Variants in FMNL3 observed in about 807,000 individuals in gnomAD.
FMNL3 encodes formin-like protein 3.
In FMNL3, 57 loss-of-function variants were observed where a neutral mutation model predicts 119.6. The observed-to-expected ratio is 0.48, with a 90% CI of 0.39 to 0.59. FMNL3 has a LOEUF of 0.59. FMNL3 is among the 20% of genes least tolerant of loss of function. FMNL3 has a pLI of 0.00. For synonymous variants in FMNL3, 491 were observed against 507.3 expected, an observed-to-expected ratio of 0.97 and a Z score of 0.43; for missense variants, 1,053 against 1,323.5, an observed-to-expected ratio of 0.80 and a Z score of 3.17.
intron 15 of FMNL3, 33 bp from the exon 16 acceptor site, chr12:49,651,325 C>T: frequency 6.2e-7 from 1 of 1,606,044 alleles, no homozygotes; most frequent in Non-Finnish European, 8.5e-7. Context: ...GACACAGGGG[C>T]CAAGGACACA....
chr12:49,639,843 A>G lies in FMNL3; in HGVS notation c.*5972T>C, dbSNP rs1427057659. ...AACAAGAAGAGCAAGGCTGTAGAAAATAGGAATTCTATTTGGGGAATTACT... is the reference window on the plus strand; with the variant it reads ...AACAAGAAGAGCAAGGCTGTAGAAAGTAGGAATTCTATTTGGGGAATTACT... On this transcript the variant is annotated 3_prime_UTR_variant, in exon 26 of 26. Transcript: ENST00000335154. 2 of 152,242 alleles carry G rather than the reference A, an allele frequency of 1.3e-5. No homozygotes were observed. The highest frequency in any genetic ancestry group is 6.5e-5 in the Admixed American group (1 of 15,290). 9.4% of individuals were successfully genotyped at this position (152,242 alleles called of 1,614,324 possible). A position where few individuals can be genotyped will look rare whatever the true frequency, so the allele number is the denominator to read the frequency against.
rs745708210 is a variant in FMNL3 at position 49,641,894 on chromosome 12, T to G, written c.*3921A>C. ...CACGTGGTGCCCCTGCTTCATGCAC[T>G]GCTGTACCCACAGGACCGGGGCTTC... is the stretch of plus-strand genomic sequence containing the variant. On this transcript the variant is annotated 3_prime_UTR_variant, in exon 26 of 26. Transcript: ENST00000335154. 88 of 1,611,276 alleles carry G rather than the reference T, an allele frequency of 5.5e-5. 1 individual carries two copies. In the South Asian group the frequency reaches 9.3e-4, roughly 17 times the overall value.
chr12:49,706,216 T>C (rs915991382), intron 1 of FMNL3, among the ~76,000 whole-genome samples: 1 of 152,182 alleles, frequency 6.6e-6, no homozygotes, highest in Non-Finnish European at 1.5e-5. Flanking sequence ...CTGACATCAA[T>C]GTCCAATTCC....
Position 49,651,935 on chromosome 12 carries a change from G to C in FMNL3, c.1601C>G (p.Pro534Arg). Residue 534 changes from proline (P) to arginine (R), a missense_variant and splice_region_variant, in exon 14 of 26, where the codon CCA (proline) becomes CGA (arginine). Pro to Arg is a moderately radical substitution (Grantham distance 103). Transcript: ENST00000335154. ...PPLPPPPPPL[P>R]DKCPPAPPLP... ...CTCCCAGGGGTCGTCGTGGTTACCTGGTAATGGGGGAGGTGGAGGGGGCAA... is the reference window on the plus strand; with the variant it reads ...CTCCCAGGGGTCGTCGTGGTTACCTCGTAATGGGGGAGGTGGAGGGGGCAA... 6.3e-7 allele frequency: 1 copy of C among 1,587,074 alleles called. No individual in the cohort carries two copies. Among genetic ancestry groups the C allele is most frequent in the Non-Finnish European group, 8.6e-7 (1 of 1,163,878 alleles).
At chr12:49,678,388 C>T (rs577919173) in intron 1 of FMNL3, among the ~76,000 whole-genome samples, 42 of 151,728 alleles carry the variant, frequency 2.8e-4, no homozygotes, top group Non-Finnish European at 5.4e-4. Flanking sequence ...AAACTCCTGA[C>T]CTCGTGATCC....
Position 49,644,367 on chromosome 12 carries a change from T to A in FMNL3, c.*1448A>T. Reference sequence around the variant, plus strand: ...CAAGGTTGCTCTTGGTGTTCAAGGGTCCCCTACTCCCTGGACTAGTGCAGT... The same window carrying A: ...CAAGGTTGCTCTTGGTGTTCAAGGGACCCCTACTCCCTGGACTAGTGCAGT... On this transcript the variant is annotated 3_prime_UTR_variant, in exon 26 of 26. Transcript: ENST00000335154. 1.4e-6 allele frequency: 1 copy of A among 708,746 alleles called. No homozygotes were observed. The highest frequency in any genetic ancestry group is 2.4e-6 in the Non-Finnish European group (1 of 414,986). 43.9% of individuals were successfully genotyped at this position (708,746 alleles called of 1,614,324 possible).
intron 1 of FMNL3, among the ~76,000 whole-genome samples, chr12:49,694,820 G>C (rs1944708855): frequency 6.6e-6 from 1 of 151,994 alleles, no homozygotes; most frequent in Non-Finnish European, 1.5e-5. Flanking sequence ...GCTGAGGCAG[G>C]AGAATTGCTT....
At chr12:49,653,349 T>C (rs761406483) in intron 12 of FMNL3, 22 bp from the exon 13 acceptor site, 5 of 1,611,798 alleles carry the variant, frequency 3.1e-6, no homozygotes, top group Non-Finnish European at 4.2e-6. Context: ...GAAGGGCAGG[T>C]TCTGTGCTGG....
chr12:49,637,888 C>CTTATCAGGGAG lies in FMNL3; in HGVS notation c.*7926_*7927insCTCCCTGATAA. On this transcript the variant is annotated 3_prime_UTR_variant, in exon 26 of 26. Transcript: ENST00000335154. ...TGCAGGGCACACTCCCTGCAGAGGA[C>CTTATCAGGGAG]TCCCTGATAAGTCCTGTTTTGCAGA... is the stretch of plus-strand genomic sequence containing the variant. The CTTATCAGGGAG allele has an allele frequency of 1.5e-6, 2 of 1,365,766 alleles. No homozygotes were observed. The highest frequency in any genetic ancestry group is 2.1e-6 in the Non-Finnish European group (2 of 963,430). 84.6% of individuals were successfully genotyped at this position (1,365,766 alleles called of 1,614,324 possible).
Position 49,657,183 on chromosome 12 carries a change from T to C in FMNL3, c.613A>G (p.Thr205Ala). ...SARQSVLRYS[T>A]LPGRRALKNS... ...TTCAGGGCCCTGCGCCCAGGGAGAG[T>C]GCTATACCTGGGGAGATGGGCCAGG... The change falls in exon 7 of 26, where the codon ACT becomes GCT. Residue 205 changes from threonine to alanine, a missense_variant. By Grantham distance (58) the Thr-to-Ala change is moderately conservative. Coordinates refer to ENST00000335154, the MANE Select transcript of FMNL3 (RefSeq NM_175736.5). 1 of 1,612,496 alleles carries C rather than the reference T, an allele frequency of 6.2e-7. No individual in the cohort carries two copies. The highest frequency in any genetic ancestry group is 1.1e-5 in the South Asian group (1 of 91,028).
Position 49,637,353 on chromosome 12 carries a change from C to A in FMNL3, c.*8462G>T. ...TCTTCATCTCTGCCTCTCTTGCCTG[C>A]ATTTCCTCAATCTTGATTGTCCCTG... On this transcript the variant is annotated 3_prime_UTR_variant, in exon 26 of 26. Coordinates refer to ENST00000335154, the MANE Select transcript of FMNL3 (RefSeq NM_175736.5). 1 of 678,998 alleles carries A rather than the reference C, an allele frequency of 1.5e-6. No homozygotes were observed. The highest frequency in any genetic ancestry group is 2.6e-6 in the Non-Finnish European group (1 of 389,416). 42.1% of individuals were successfully genotyped at this position (678,998 alleles called of 1,614,324 possible).
chr12:49,705,657 C>A (rs1188716665), intron 1 of FMNL3, among the ~76,000 whole-genome samples: 1 of 152,196 alleles, frequency 6.6e-6, no homozygotes, highest in African/African-American at 2.4e-5. Context: ...GTGAGATGGT[C>A]ACAGCACATT....
rs769487207 is a variant in FMNL3 at position 49,649,933 on chromosome 12, G to A, written c.2001-8C>T. On this transcript the variant is annotated splice_region_variant and splice_polypyrimidine_tract_variant and intron_variant, in intron 17 of 25. Coordinates refer to ENST00000335154, the MANE Select transcript of FMNL3 (RefSeq NM_175736.5). This position sits in a 1 kb window ranked among gnomAD's most constrained non-coding sequence, Gnocchi z 5.6. ...AGTGTCTGCAAGTCAAACCTGTGGA[G>A]GAGGGAGGGACCACCTCAGTTCTCA... 24 of 1,609,550 alleles carry A rather than the reference G, an allele frequency of 1.5e-5. No individual in the cohort carries two copies. Among genetic ancestry groups the A allele is most frequent in the East Asian group, 2.2e-5 (1 of 44,750 alleles).
At position 49,636,627 on chromosome 12, in the gene FMNL3, G is replaced by A; in HGVS notation, c.*9188C>T. On this transcript the variant is annotated 3_prime_UTR_variant, in exon 26 of 26. Coordinates refer to ENST00000335154, the MANE Select transcript of FMNL3 (RefSeq NM_175736.5). The stretch of plus-strand genomic sequence containing the variant: ...ACCCTGGGTATCCCTAGCACCTGTA[G>A]GACAGCATCGTTGAAACATTAGGGG... 1.3e-6 allele frequency: 2 copies of A among 1,575,726 alleles called. No homozygotes were observed. Among genetic ancestry groups the A allele is most frequent in the Non-Finnish European group, 1.7e-6 (2 of 1,153,368 alleles).
intron 17 of FMNL3, 26 bp downstream of exon 17, chr12:49,650,650 C>A: frequency 4.3e-6 from 7 of 1,611,178 alleles, no homozygotes; most frequent in Non-Finnish European, 5.9e-6. Flanking sequence ...GACTAGGGAC[C>A]AGAGCCAGGT....
In FMNL3 at chr12:49,647,906, G is replaced by T; in HGVS notation, c.2677-102C>A. 9.9e-7 allele frequency: 1 copy of T among 1,011,382 alleles called. No homozygotes were observed. Among genetic ancestry groups the T allele is most frequent in the South Asian group, 1.5e-5 (1 of 65,892 alleles). 62.7% of individuals were successfully genotyped at this position (1,011,382 alleles called of 1,614,324 possible). On this transcript the variant is annotated intron_variant, in intron 22 of 25. Transcript: ENST00000335154. The surrounding 1 kb of genome is among the most constrained non-coding windows in gnomAD (Gnocchi z 4.9). The stretch of plus-strand genomic sequence containing the variant: ...GCAGAAAGCAGAGCCCAGGGCCAAA[G>T]GGAGGAAAACCAAGCACCCAGGCCC...
chr12:49,668,035 C>T (rs1414361211), intron 2 of FMNL3, among the ~76,000 whole-genome samples: 1 of 152,218 alleles, frequency 6.6e-6, no homozygotes, highest in Non-Finnish European at 1.5e-5. Flanking sequence ...GACCTTGACT[C>T]TTCTGAGATT....
At chr12:49,668,433 C>A in intron 2 of FMNL3, 38 bp downstream of exon 2, 1 of 1,605,468 alleles carries the variant, frequency 6.2e-7, no homozygotes, top group Non-Finnish European at 8.5e-7. Context: ...GCCCAAGACA[C>A]AACTCCCTAC....
At chr12:49,660,439 C>G (rs903752856) in intron 5 of FMNL3, among the ~76,000 whole-genome samples, 38 of 152,142 alleles carry the variant, frequency 2.5e-4, no homozygotes, top group Admixed American at 6.5e-4. Flanking sequence ...AAATGTTTTT[C>G]ATTTCTTTCT....
Sources: gnomAD v4.1 joint callset for allele counts (sites outside exome capture counted in the v4.1 genomes callset) on GRCh38, gnomAD v4.1.1 for gene constraint, Gnocchi (gnomAD v3.1) non-coding constraint, MANE v1.5 for transcripts, NCBI Gene and HGNC (gene_info 2026-07-23, HGNC 2026-07-21) for gene names.